The following SLC12A6 variants were observed in gnomAD, a reference collection of about 807,000 sequenced individuals.
SLC12A6 encodes the protein solute carrier family 12 member 6.
SLC12A6 carries 66 observed loss-of-function variants against 135.3 expected under a neutral mutation model. That is an observed-to-expected ratio of 0.49 (90% CI 0.40 to 0.60). The LOEUF is 0.60. Among genes scored for constraint, SLC12A6 ranks in the 20% least tolerant of loss-of-function variants. The pLI is 0.00. For missense variants in SLC12A6, 1,058 were observed against 1,452.3 expected (o/e 0.73, Z 4.41); for synonymous variants, 513 against 508.8 (o/e 1.01, Z -0.11).
chr15:34,250,095 G>C (rs1206734356), intron 13 of SLC12A6, among the ~76,000 whole-genome samples: 1 of 152,202 alleles, frequency 6.6e-6, no homozygotes, highest in Non-Finnish European at 1.5e-5. Flanking sequence ...TGTAGAGACA[G>C]GGTTTTGCCA....
intron 2 of SLC12A6, among the ~76,000 whole-genome samples, chr15:34,334,746 C>G (rs751393419): frequency 6.6e-6 from 1 of 152,136 alleles, no homozygotes; most frequent in African/African-American, 2.4e-5. Context: ...TCTGTAACCA[C>G]GTAAACAAAC....
At chr15:34,267,100 T>TCTTA (rs150791028) in intron 3 of SLC12A6, among the ~76,000 whole-genome samples, 5,994 of 152,214 alleles carry the variant, frequency 0.039, 214 homozygotes, top group African/African-American at 0.099. Context: ...TTACTATATA[T>TCTTA]CTTAAATTGT....
At chr15:34,318,829 G>A (rs911550120) in intron 2 of SLC12A6, 71 of 1,513,988 alleles carry the variant, frequency 4.7e-5, no homozygotes, top group Non-Finnish European at 5.9e-5. Flanking sequence ...TTAAGCTCAC[G>A]TGACCTACAG....
intron 2 of SLC12A6, among the ~76,000 whole-genome samples, chr15:34,309,114 C>G (rs780560470): frequency 6.6e-6 from 1 of 152,150 alleles, no homozygotes; most frequent in Non-Finnish European, 1.5e-5. Flanking sequence ...ACTGGCTCTG[C>G]TACTCACCAT....
chr15:34,256,418 T>C, intron 6 of SLC12A6, 135 bp from the exon 7 acceptor site: 2 of 695,026 alleles, frequency 2.9e-6, no homozygotes. Flanking sequence ...TACCTAATGG[T>C]ATGGAAATAA....
chr15:34,242,316 T>C, intron 16 of SLC12A6, 95 bp from the exon 17 acceptor site: 1 of 890,122 alleles, frequency 1.1e-6, no homozygotes, highest in Non-Finnish European at 1.8e-6. Flanking sequence ...TGAGGTATTA[T>C]TTTTTAAAAA....
intron 5 of SLC12A6, 44 bp downstream of exon 5, chr15:34,258,769 T>C (rs1354838250): frequency 6.5e-7 from 1 of 1,537,374 alleles, no homozygotes; most frequent in South Asian, 1.1e-5. Flanking sequence ...CTTTCTTATA[T>C]ACAGGGCTCT....
intron 13 of SLC12A6, among the ~76,000 whole-genome samples, chr15:34,249,973 T>C (rs1394254763): frequency 6.6e-6 from 1 of 152,226 alleles, no homozygotes; most frequent in Non-Finnish European, 1.5e-5. Flanking sequence ...GGCACAATCA[T>C]GGCTCACTAC....
intron 2 of SLC12A6, among the ~76,000 whole-genome samples, chr15:34,287,192 C>G (rs1895148814): frequency 1.3e-5 from 2 of 152,114 alleles, no homozygotes; most frequent in South Asian, 4.1e-4. Flanking sequence ...TCCATGTGTT[C>G]TCATTGTTCA....
intron 2 of SLC12A6, among the ~76,000 whole-genome samples, chr15:34,298,344 G>A (rs1336966099): frequency 6.6e-6 from 1 of 151,972 alleles, no homozygotes; most frequent in Non-Finnish European, 1.5e-5. Context: ...GCATGGTGGT[G>A]GGCATCTGCA....
intron 3 of SLC12A6, among the ~76,000 whole-genome samples, chr15:34,269,720 CT>C (rs897256076): frequency 6.2e-4 from 91 of 145,796 alleles, no homozygotes; most frequent in East Asian, 1.2e-3. Context: ...TTAACATGCT[CT>C]TTTTTTTTTT....
chr15:34,275,400 A>C lies in SLC12A6; in HGVS notation c.272-11T>G. The C allele has an allele frequency of 6.8e-7, 1 of 1,461,498 alleles. No individual in the cohort carries two copies. The highest frequency in any genetic ancestry group is 1.1e-5 in the South Asian group (1 of 87,432). The allele number at this position is 1,461,498 out of a possible 1,614,324, so 90.5% of individuals were successfully genotyped here. A position where few individuals can be genotyped will look rare whatever the true frequency, so the allele number is the denominator to read the frequency against. The stretch of plus-strand genomic sequence containing the variant: ...AGTTCTGACTCAGGTCTGAAAAACA[A>C]ACAATTGAAAAGAAAAGAAAAAAAT... On this transcript the variant is annotated splice_polypyrimidine_tract_variant and intron_variant, in intron 2 of 25. Coordinates refer to ENST00000354181, the MANE Select transcript of SLC12A6 (RefSeq NM_001365088.1).
Position 34,237,528 on chromosome 15 carries a change from C to A in SLC12A6, c.2825G>T (p.Arg942Leu). Residue 942 changes from arginine to leucine, a missense_variant, in exon 22 of 26, where the codon CGG (arginine) becomes CTG (leucine). Arg to Leu is a moderately radical substitution (Grantham distance 102, BLOSUM62 -2). Around this residue, in one of 6 missense-constraint regions of SLC12A6, gnomAD observed 245 missense variants for 440.8 expected, o/e 0.56. Transcript: ENST00000354181. The stretch of plus-strand genomic sequence containing the variant: ...TTCTAATTGGGCTACTGTGAAGATC[C>A]GTATGCTGCACTTTCGCCACACCTG... ...QHKVWRKCSI[R>L]IFTVAQLEDN... 6.2e-7 allele frequency: 1 copy of A among 1,612,336 alleles called. No homozygotes were observed. The highest frequency in any genetic ancestry group is 1.1e-5 in the South Asian group (1 of 91,034).
rs61718499 is a variant in SLC12A6, at chr15:34,310,629, AGTGT to A, written c.271+25777_271+25780del. ...GGCTGGTGTTGAACTCCTGGGCTCAAGTGTGTGTGTGTGTGTGTGTGTGTGTGTG... is the reference window on the plus strand; with the variant it reads ...GGCTGGTGTTGAACTCCTGGGCTCAAGTGTGTGTGTGTGTGTGTGTGTGTG... On this transcript the variant is annotated intron_variant, in intron 2 of 25. Coordinates refer to ENST00000354181, the MANE Select transcript of SLC12A6 (RefSeq NM_001365088.1). Among the ~76,000 whole-genome samples, 22 of 6,054 alleles carry A rather than the reference AGTGT, an allele frequency of 3.6e-3. 1 individual carries two copies. The highest frequency in any genetic ancestry group is 0.01 in the Admixed American group (5 of 480). 4.0% of individuals were successfully genotyped at this position (6,054 alleles called of 152,430 possible). A position where few individuals can be genotyped will look rare whatever the true frequency, so the allele number is the denominator to read the frequency against.
At chr15:34,259,064 G>A in intron 4 of SLC12A6, 120 bp from the exon 5 acceptor site, 1 of 789,326 alleles carries the variant, frequency 1.3e-6, no homozygotes, top group Non-Finnish European at 2.1e-6. Flanking sequence ...GGTAGGCCGG[G>A]TGCAGTGGCT....
chr15:34,235,347 A>AAAAAGACAACT, intron 24 of SLC12A6, 33 bp from the exon 25 acceptor site: 1 of 1,602,616 alleles, frequency 6.2e-7, no homozygotes, highest in South Asian at 1.1e-5. Context: ...TTGTTAAGGT[A>AAAAAGACAACT]AAAAGACAAC....
intron 14 of SLC12A6, 125 bp downstream of exon 14, chr15:34,245,568 G>C (rs1185751292): frequency 1.0e-6 from 1 of 953,892 alleles, no homozygotes; most frequent in Non-Finnish European, 1.7e-6. Context: ...GGGATTTAGA[G>C]GTTCTTGTAC....
intron 2 of SLC12A6, among the ~76,000 whole-genome samples, chr15:34,326,419 A>C (rs1889459988): frequency 2.6e-5 from 4 of 152,260 alleles, no homozygotes; most frequent in Admixed American, 2.0e-4. Flanking sequence ...GTTAAAACTA[A>C]GGACATATTT....
In SLC12A6 at chr15:34,234,908, G is replaced by C. The variant is rs556897948; in HGVS notation, c.3361+273C>G. On this transcript the variant is annotated intron_variant, in intron 25 of 25. Transcript: ENST00000354181. ...GCGAAAGGATGTGGGTATGCTGTCTGTAGGATTGTCAGGAAGGGTTTTATA... is the reference window on the plus strand; with the variant it reads ...GCGAAAGGATGTGGGTATGCTGTCTCTAGGATTGTCAGGAAGGGTTTTATA... Among the ~76,000 whole-genome samples the C allele has an allele frequency of 3.3e-5, 5 of 152,328 alleles. 1 individual carries two copies. The South Asian group carries it at 1.0e-3, about 32-fold the overall frequency.
Sources: gnomAD v4.1 joint callset for allele counts (sites outside exome capture counted in the v4.1 genomes callset) on GRCh38, gnomAD v4.1.1 for gene constraint, gnomAD v4.1.1 regional missense constraint, MANE v1.5 for transcripts, NCBI Gene and HGNC (gene_info 2026-07-23, HGNC 2026-07-21) for gene names.